Variants in ST3GAL3 observed in about 807,000 individuals in gnomAD.
ST3GAL3 encodes the protein ST3 beta-galactoside alpha-2,3-sialyltransferase 3.
In ST3GAL3, 21 loss-of-function variants were observed where a neutral mutation model predicts 50.1. The observed-to-expected ratio is 0.42, with a 90% CI of 0.30 to 0.60. The LOEUF is 0.60. Among genes scored for constraint, ST3GAL3 ranks in the 20% least tolerant of loss-of-function variants. ST3GAL3 has a pLI of 0.19. For missense variants in ST3GAL3, 353 were observed against 489.4 expected (o/e 0.72, Z 2.63); for synonymous variants, 183 against 190.0 (o/e 0.96, Z 0.30).
intron 5 of ST3GAL3, among the ~76,000 whole-genome samples, chr1:43,849,507 G>A (rs2906469): frequency 0.11 from 16,810 of 152,178 alleles, 1,239 homozygotes; most frequent in Non-Finnish European, 0.16. Flanking sequence ...GACATTCAGT[G>A]GTTAAAAATT....
chr1:43,759,030 C>T (rs1038232599), intron 2 of ST3GAL3, among the ~76,000 whole-genome samples: 1 of 140,632 alleles, frequency 7.1e-6, no homozygotes, highest in Non-Finnish European at 1.5e-5. Flanking sequence ...GGCAACAGAG[C>T]GAGACTGTCT....
chr1:43,921,579 A>G (rs1047339975), intron 11 of ST3GAL3: 4 of 399,360 alleles, frequency 1.0e-5, no homozygotes, highest in South Asian at 2.5e-4. Context: ...CTCTGCTGCT[A>G]CATCTGGGTG....
chr1:43,761,922 G>C (rs1425594787), intron 2 of ST3GAL3, among the ~76,000 whole-genome samples: 1 of 131,504 alleles, frequency 7.6e-6, no homozygotes, highest in Admixed American at 8.7e-5. Flanking sequence ...CTGCACTCCA[G>C]CCTGGGCAAC....
chr1:43,850,952 C>T (rs545180537), intron 5 of ST3GAL3: 15 of 1,025,304 alleles, frequency 1.5e-5, no homozygotes, highest in Admixed American at 5.1e-5. Flanking sequence ...TGTAGAAGAT[C>T]GTGCGGACTT....
intron 5 of ST3GAL3, chr1:43,840,133 T>G (rs1268833767): frequency 6.6e-6 from 1 of 151,478 alleles, no homozygotes; most frequent in Non-Finnish European, 1.5e-5. Flanking sequence ...GCTCAAGCAA[T>G]TAGCCACCTC....
intron 5 of ST3GAL3, chr1:43,840,968 G>A (rs1574037112): frequency 6.6e-6 from 1 of 152,216 alleles, no homozygotes; most frequent in Non-Finnish European, 1.5e-5. Flanking sequence ...GGGGCTATAC[G>A]CCCCATGCAA....
intron 5 of ST3GAL3, among the ~76,000 whole-genome samples, chr1:43,862,345 A>G (rs3011229): frequency 0.86 from 130,220 of 152,216 alleles, 55,927 homozygotes; most frequent in East Asian, 0.91. Flanking sequence ...TGTGTATACC[A>G]CATTATAATT....
At chr1:43,901,069 T>C (rs1206105859) in intron 9 of ST3GAL3, among the ~76,000 whole-genome samples, 1 of 152,248 alleles carries the variant, frequency 6.6e-6, no homozygotes, top group African/African-American at 2.4e-5. Flanking sequence ...ACTGAGACAC[T>C]AGTGTTTTCA....
rs139683594 is a variant in ST3GAL3, at chr1:43,770,694, A to G, written c.119-21408A>G. Among the ~76,000 whole-genome samples, 101 of 152,214 alleles carry G rather than the reference A, an allele frequency of 6.6e-4. No homozygotes were observed. The East Asian group carries it at 0.016, about 24-fold the overall frequency. ...TACTACAGATGCACATGAGACTTGG[A>G]TAGTTGTTGATTGACTGTTAACTCT... On this transcript the variant is annotated intron_variant, in intron 2 of 11. Coordinates refer to ENST00000347631, the MANE Select transcript of ST3GAL3 (RefSeq NM_006279.5).
chr1:43,747,148 G>A (rs1415764403), intron 2 of ST3GAL3, among the ~76,000 whole-genome samples: 1 of 152,086 alleles, frequency 6.6e-6, no homozygotes, highest in Non-Finnish European at 1.5e-5. Flanking sequence ...AGTGGCTCAC[G>A]CCTATAATCC....
chr1:43,804,147 C>A (rs556627540), intron 3 of ST3GAL3, among the ~76,000 whole-genome samples: 2 of 152,120 alleles, frequency 1.3e-5, no homozygotes, highest in Non-Finnish European at 2.9e-5. Flanking sequence ...TGCCACTACC[C>A]GAGAGGTGAA....
At chr1:43,754,399 C>G (rs1009100529) in intron 2 of ST3GAL3, among the ~76,000 whole-genome samples, 1 of 152,114 alleles carries the variant, frequency 6.6e-6, no homozygotes, top group Non-Finnish European at 1.5e-5. Context: ...ACCGCGTTAG[C>G]CAGGCTGGTC....
chr1:43,815,094 C>A (rs2061068494), intron 4 of ST3GAL3, 161 bp downstream of exon 4: 6 of 772,092 alleles, frequency 7.8e-6, no homozygotes, highest in Non-Finnish European at 1.4e-5. Flanking sequence ...ATGTTACAGT[C>A]TGCAGCGGCC....
chr1:43,851,758 C>T (rs565439654), intron 5 of ST3GAL3: 231 of 832,292 alleles, frequency 2.8e-4, no homozygotes, highest in Non-Finnish European at 4.4e-4. Context: ...GCTGCCGGAA[C>T]ACAGCCCCGC....
chr1:43,735,932 G>T (rs1189925265), intron 1 of ST3GAL3, among the ~76,000 whole-genome samples: 1 of 152,182 alleles, frequency 6.6e-6, no homozygotes, highest in Admixed American at 6.5e-5. Context: ...TAGTGATCAT[G>T]GGAAGGGGCT....
At chr1:43,773,883 C>T (rs1043774187) in intron 2 of ST3GAL3, among the ~76,000 whole-genome samples, 2 of 152,162 alleles carry the variant, frequency 1.3e-5, no homozygotes, top group African/African-American at 4.8e-5. Context: ...TGATGTGATG[C>T]AGTAAGAAAT....
chr1:43,749,375 T>C (rs1432498632), intron 2 of ST3GAL3, among the ~76,000 whole-genome samples: 1 of 152,214 alleles, frequency 6.6e-6, no homozygotes, highest in African/African-American at 2.4e-5. Context: ...GCAAGCCACA[T>C]GCTGGGAAAA....
intron 2 of ST3GAL3, among the ~76,000 whole-genome samples, chr1:43,744,798 T>A (rs181412622): frequency 2.7e-5 from 4 of 150,000 alleles, no homozygotes; most frequent in Middle Eastern, 3.4e-3. Context: ...AGGTCAGGAG[T>A]TTGAGACCGT....
At chr1:43,909,300 C>T (rs2080372788) in intron 9 of ST3GAL3, among the ~76,000 whole-genome samples, 1 of 152,206 alleles carries the variant, frequency 6.6e-6, no homozygotes, top group African/African-American at 2.4e-5. Context: ...TAGGTTCAGA[C>T]CCTTGCATCC....
Sources: gnomAD v4.1 joint callset for allele counts (sites outside exome capture counted in the v4.1 genomes callset) on GRCh38, gnomAD v4.1.1 for gene constraint, MANE v1.5 for transcripts, NCBI Gene and HGNC (gene_info 2026-07-23, HGNC 2026-07-21) for gene names.